TENM3: variants seen among roughly 807,000 people sequenced by gnomAD.
TENM3 encodes the protein teneurin transmembrane protein 3.
Under a neutral mutation model 255.1 loss-of-function variants are expected in TENM3, and 63 were observed. That is an observed-to-expected ratio of 0.25 (90% CI 0.20 to 0.30). TENM3 has a LOEUF of 0.30. Among genes scored for constraint, TENM3 ranks in the 10% least tolerant of loss-of-function variants. The pLI is 1.00. For missense variants in TENM3, 2,929 were observed against 3,461.1 expected (o/e 0.85, Z 3.86); for synonymous variants, 1,306 against 1,322.3 (o/e 0.99, Z 0.27).
chr4:181,665,923 T>C, the TENM3 span, among the ~76,000 whole-genome samples: 1 of 152,098 alleles, frequency 6.6e-6, no homozygotes, highest in Admixed American at 6.5e-5. Context: ...TTTAGCTATA[T>C]TGACTTTTTA....
chr4:181,451,573 TGAAGGTGTAG>T, the TENM3 span, among the ~76,000 whole-genome samples: 1 of 151,120 alleles, frequency 6.6e-6, no homozygotes, highest in African/African-American at 2.4e-5. Flanking sequence ...AAGAAAAGAG[TGAAGGTGTAG>T]GGGTCTGAGG....
chr4:181,767,009 T>A, the TENM3 span, among the ~76,000 whole-genome samples: 15 of 150,136 alleles, frequency 1.0e-4, no homozygotes, highest in Non-Finnish European at 1.6e-4. Flanking sequence ...TCCCAGCACT[T>A]TGGGAGGCCG....
rs1265552639 is a variant in TENM3, at chr4:182,796,622, A to C, written c.7214-15A>C. 6.3e-7 allele frequency: 1 copy of C among 1,591,692 alleles called. No homozygotes were observed. The highest frequency in any genetic ancestry group is 8.5e-7 in the Non-Finnish European group (1 of 1,169,740). On this transcript the variant is annotated splice_polypyrimidine_tract_variant and intron_variant, in intron 26 of 27. Transcript: ENST00000511685. ...CAAACTCCAACACCTTTCATTCTGA[A>C]CATTCTTCTCCTAGATGTTAACAGC... is the stretch of plus-strand genomic sequence containing the variant.
intron 3 of TENM3, among the ~76,000 whole-genome samples, chr4:182,359,700 T>G (rs982559461): frequency 6.6e-6 from 1 of 150,508 alleles, no homozygotes; most frequent in Admixed American, 6.7e-5. Flanking sequence ...TTTGAAGGGT[T>G]TTTTGTGTCT....
intron 14 of TENM3, 42 bp downstream of exon 14, chr4:182,729,223 T>C: frequency 6.6e-7 from 1 of 1,515,006 alleles, no homozygotes; most frequent in Non-Finnish European, 9.2e-7. Flanking sequence ...AATGATGTTA[T>C]CAACAGTTAC....
intron 15 of TENM3, 114 bp downstream of exon 15, chr4:182,730,433 T>C (rs1443171061): frequency 8.4e-7 from 1 of 1,195,424 alleles, no homozygotes; most frequent in Non-Finnish European, 1.2e-6. Flanking sequence ...AGCAACTTTT[T>C]AGACTCTACA....
chr4:182,720,365 T>A (rs908235352), intron 13 of TENM3, among the ~76,000 whole-genome samples: 1 of 148,342 alleles, frequency 6.7e-6, no homozygotes, highest in African/African-American at 2.5e-5. Context: ...AGAGGGAGTT[T>A]AAAAAAAAAA....
the TENM3 span, among the ~76,000 whole-genome samples, chr4:181,744,634 T>C: frequency 1.3e-5 from 2 of 152,158 alleles, no homozygotes; most frequent in African/African-American, 2.4e-5. Flanking sequence ...AGCTGGAGAC[T>C]ATTGCAAAAA....
At chr4:182,712,069 G>T (rs751080774) in intron 12 of TENM3, among the ~76,000 whole-genome samples, 11 of 151,752 alleles carry the variant, frequency 7.2e-5, no homozygotes, top group Admixed American at 5.9e-4. Context: ...AGCTTCTTTG[G>T]TTTTTTTCCT....
rs2152840644 is a variant in TENM3 at position 182,799,957 on chromosome 4, A to G, written c.7706A>G (p.Lys2569Arg). ...LGTLRLTSGR[K>R]ALENGINVTV... ...ACGCTGCGGTTGACCAGCGGCCGCAAGGCGCTGGAGAACGGCATCAACGTG... is the reference window on the plus strand; with the variant it reads ...ACGCTGCGGTTGACCAGCGGCCGCAGGGCGCTGGAGAACGGCATCAACGTG... Residue 2569 changes from lysine (K) to arginine (R), a missense_variant, in exon 28 of 28, where the codon AAG (lysine) becomes AGG (arginine). Coordinates refer to ENST00000511685, the MANE Select transcript of TENM3 (RefSeq NM_001080477.4). This position sits in a 1 kb window ranked among gnomAD's most constrained non-coding sequence, Gnocchi z 4.2. 1 of 1,592,732 alleles carries G rather than the reference A, an allele frequency of 6.3e-7. No homozygotes were observed. The highest frequency in any genetic ancestry group is 2.3e-5 in the East Asian group (1 of 43,658).
At chr4:182,647,283 G>A (rs1752841355) in intron 5 of TENM3, among the ~76,000 whole-genome samples, 1 of 152,150 alleles carries the variant, frequency 6.6e-6, no homozygotes, top group South Asian at 2.1e-4. Flanking sequence ...TAAGTGTATA[G>A]CTCAGTAGGA....
chr4:182,057,814 C>T, the TENM3 span, among the ~76,000 whole-genome samples: 3,083 of 152,136 alleles, frequency 0.02, 101 homozygotes, highest in African/African-American at 0.07. Context: ...TAATGAGAAG[C>T]GTCCTTCACC....
intron 3 of TENM3, among the ~76,000 whole-genome samples, chr4:182,361,584 C>T (rs888039281): frequency 1.3e-5 from 2 of 152,008 alleles, no homozygotes; most frequent in Non-Finnish European, 2.9e-5. Context: ...CTCCTTTAAG[C>T]ACTTCTCTGT....
chr4:182,512,041 C>T (rs1032514472), intron 3 of TENM3, among the ~76,000 whole-genome samples: 1 of 152,130 alleles, frequency 6.6e-6, no homozygotes, highest in African/African-American at 2.4e-5. Flanking sequence ...ACATTCTCAT[C>T]AAAGGCATGG....
At chr4:181,966,840 G>T in the TENM3 span, among the ~76,000 whole-genome samples, 3 of 152,100 alleles carry the variant, frequency 2.0e-5, no homozygotes, top group African/African-American at 7.2e-5. Flanking sequence ...TCTTTACTTG[G>T]TGATGGGGGC....
intron 1 of TENM3, among the ~76,000 whole-genome samples, chr4:182,282,901 A>C (rs1760484217): frequency 6.6e-6 from 1 of 151,608 alleles, no homozygotes; most frequent in Admixed American, 6.6e-5. Context: ...TCAGAAAAAA[A>C]AAAAAAAAAA....
At chr4:182,149,474 A>G (rs1750187694) in intron 1 of TENM3, among the ~76,000 whole-genome samples, 1 of 152,050 alleles carries the variant, frequency 6.6e-6, no homozygotes, top group Non-Finnish European at 1.5e-5. Flanking sequence ...ATGTCTTTCT[A>G]TTTTAAATTA....
chr4:182,687,345 CTAGT>C (rs1756660825), intron 11 of TENM3, among the ~76,000 whole-genome samples: 1 of 152,098 alleles, frequency 6.6e-6, no homozygotes, highest in Non-Finnish European at 1.5e-5. Context: ...TCAATTGGAA[CTAGT>C]TAAATAAAGC....
At chr4:182,008,014 T>TA in the TENM3 span, among the ~76,000 whole-genome samples, 1 of 152,214 alleles carries the variant, frequency 6.6e-6, no homozygotes. Flanking sequence ...AATTCTGGGT[T>TA]AAAAATTCTT....
Sources: gnomAD v4.1 joint callset for allele counts (sites outside exome capture counted in the v4.1 genomes callset) on GRCh38, gnomAD v4.1.1 for gene constraint, Gnocchi (gnomAD v3.1) non-coding constraint, MANE v1.5 for transcripts, NCBI Gene and HGNC (gene_info 2026-07-23, HGNC 2026-07-21) for gene names.